ZNF385D: variants seen among roughly 807,000 people sequenced by gnomAD.
The protein encoded by ZNF385D is zinc finger protein 659.
ZNF385D carries 15 observed loss-of-function variants against 35.8 expected under a neutral mutation model. The ratio of observed to expected loss-of-function variants is 0.42; its 90% confidence interval spans 0.28 to 0.64. The LOEUF (loss-of-function observed/expected upper bound fraction) is 0.64. ZNF385D is among the 30% of genes least tolerant of loss of function. ZNF385D has a pLI of 0.23. For missense variants in ZNF385D, 474 were observed against 494.6 expected (o/e 0.96, Z 0.39); for synonymous variants, 212 against 186.8 (o/e 1.13, Z -1.10).
rs200962101 is a variant in ZNF385D at position 21,650,303 on chromosome 3, G to A, written c.165+14583C>T. 2.0e-5 allele frequency among the ~76,000 whole-genome samples: 3 copies of A among 152,032 alleles called. No individual in the cohort carries two copies. In the East Asian group the frequency reaches 5.8e-4, roughly 29 times the overall value. ...AATTTCAGGAACCAAAATTCAATTT[G>A]GAATATTTCTCTTTGCTCCTGTAGT... is the stretch of plus-strand genomic sequence containing the variant. On this transcript the variant is annotated intron_variant, in intron 2 of 7. Transcript: ENST00000281523.
intron 3 of ZNF385D, among the ~76,000 whole-genome samples, chr3:21,562,827 GA>G (rs1159578571): frequency 3.1e-5 from 1 of 32,302 alleles, no homozygotes; most frequent in Non-Finnish European, 7.0e-5. Flanking sequence ...GTATTAAGAG[GA>G]CTCTTTTTTA....
At chr3:22,119,995 C>CT (rs11345782) in intron 3 of ZNF385D, among the ~76,000 whole-genome samples, 2,637 of 136,258 alleles carry the variant, frequency 0.019, 57 homozygotes, top group African/African-American at 0.063. Context: ...TTTCTTTTTT[C>CT]TTTTTTTTTT....
rs140691267 is a variant in ZNF385D at position 22,246,846 on chromosome 3, T to C, written c.107-77811A>G. Among the ~76,000 whole-genome samples, 7 of 152,314 alleles carry C rather than the reference T, an allele frequency of 4.6e-5. No individual in the cohort carries two copies. The East Asian group carries it at 1.4e-3, about 29-fold the overall frequency. On this transcript the variant is annotated intron_variant, in intron 2 of 5. Transcript: ENST00000494108. The stretch of plus-strand genomic sequence containing the variant: ...AACGGCTCTCCTTCCCTAGAAATTC[T>C]GATTCTAATTACCAAGTTTAATTCT...
intron 3 of ZNF385D, among the ~76,000 whole-genome samples, chr3:21,528,471 A>T (rs233152): frequency 0.76 from 114,934 of 151,904 alleles, 43,672 homozygotes; most frequent in East Asian, 0.89. Context: ...CTAAGTGTAG[A>T]TTTCCTGGCT....
At chr3:22,145,587 G>C (rs1478014232) in intron 3 of ZNF385D, among the ~76,000 whole-genome samples, 1 of 152,302 alleles carries the variant, frequency 6.6e-6, no homozygotes, top group African/African-American at 2.4e-5. Flanking sequence ...CTAAAGGAAT[G>C]AATGACTCTA....
At chr3:21,676,773 T>C (rs2066742717) in intron 1 of ZNF385D, among the ~76,000 whole-genome samples, 1 of 143,294 alleles carries the variant, frequency 7.0e-6, no homozygotes, top group Non-Finnish European at 1.5e-5. Context: ...CAGATAGGGA[T>C]GATTTCAAAG....
chr3:22,076,788 T>G (rs1021653864), intron 3 of ZNF385D, among the ~76,000 whole-genome samples: 17 of 149,228 alleles, frequency 1.1e-4, no homozygotes, highest in African/African-American at 3.9e-4. Context: ...TATAGTGACT[T>G]ATTCTTGGAC....
intron 3 of ZNF385D, among the ~76,000 whole-genome samples, chr3:21,840,515 G>A (rs909218244): frequency 6.6e-6 from 1 of 151,948 alleles, no homozygotes; most frequent in African/African-American, 2.4e-5. Flanking sequence ...ATAACGGTAT[G>A]CCCAATACTA....
intron 3 of ZNF385D, among the ~76,000 whole-genome samples, chr3:21,795,242 T>G (rs2072097518): frequency 1.3e-5 from 2 of 152,226 alleles, no homozygotes; most frequent in Admixed American, 6.5e-5. Context: ...CATGTAATTA[T>G]GTACACAGTT....
chr3:22,092,594 G>C (rs943819138), intron 3 of ZNF385D, among the ~76,000 whole-genome samples: 1 of 152,242 alleles, frequency 6.6e-6, no homozygotes, highest in Admixed American at 6.5e-5. Flanking sequence ...GTGGAAGCTG[G>C]TTCCAGACCC....
intron 2 of ZNF385D, among the ~76,000 whole-genome samples, chr3:22,333,422 C>T (rs1193160178): frequency 1.3e-5 from 2 of 152,054 alleles, no homozygotes; most frequent in Admixed American, 6.6e-5. Flanking sequence ...ATTGACTTTT[C>T]GGTATGGTCC....
intron 3 of ZNF385D, chr3:21,978,344 C>T (rs1182019018): frequency 6.6e-6 from 1 of 152,146 alleles, no homozygotes; most frequent in Non-Finnish European, 1.5e-5. Flanking sequence ...TGATCTAAAC[C>T]TAGGATTTAA....
At chr3:22,047,761 C>A (rs190598390) in intron 3 of ZNF385D, among the ~76,000 whole-genome samples, 158 of 152,000 alleles carry the variant, frequency 1.0e-3, no homozygotes, top group African/African-American at 3.3e-3. Context: ...AGATGTATAC[C>A]CAGAAGTGGG....
chr3:21,626,564 G>A (rs183859158), intron 2 of ZNF385D, among the ~76,000 whole-genome samples: 4 of 152,158 alleles, frequency 2.6e-5, no homozygotes, highest in Admixed American at 6.6e-5. Flanking sequence ...AGGATAAAGC[G>A]TTGAGGAGCT....
chr3:22,093,171 A>AGTTGTTAATT (rs894292559), intron 3 of ZNF385D, among the ~76,000 whole-genome samples: 2 of 152,112 alleles, frequency 1.3e-5, no homozygotes, highest in African/African-American at 4.8e-5. Flanking sequence ...AGGAAAAAAA[A>AGTTGTTAATT]AGTTGTTAAT....
intron 2 of ZNF385D, among the ~76,000 whole-genome samples, chr3:21,656,557 TA>T (rs962015152): frequency 3.4e-4 from 51 of 152,098 alleles, no homozygotes; most frequent in African/African-American, 1.2e-3. Flanking sequence ...TCATCTGAAC[TA>T]ATTACATCTT....
At chr3:22,242,407 A>T (rs1005710233) in intron 2 of ZNF385D, among the ~76,000 whole-genome samples, 9 of 150,980 alleles carry the variant, frequency 6.0e-5, no homozygotes, top group Admixed American at 4.0e-4. Context: ...CAAACGATCA[A>T]GGTTAACATC....
intron 3 of ZNF385D, among the ~76,000 whole-genome samples, chr3:22,120,276 G>A (rs1703023094): frequency 6.6e-6 from 1 of 151,976 alleles, no homozygotes; most frequent in African/African-American, 2.4e-5. Context: ...AACTTCAGGT[G>A]TTGGAAGTTT....
intron 3 of ZNF385D, among the ~76,000 whole-genome samples, chr3:22,141,784 G>A (rs1458444289): frequency 3.3e-5 from 5 of 152,136 alleles, no homozygotes; most frequent in Admixed American, 6.5e-5. Flanking sequence ...TAATGAAGTC[G>A]TTATTCAGTT....
Sources: gnomAD v4.1 joint callset for allele counts (sites outside exome capture counted in the v4.1 genomes callset) on GRCh38, gnomAD v4.1.1 for gene constraint, MANE v1.5 for transcripts, NCBI Gene and HGNC (gene_info 2026-07-23, HGNC 2026-07-21) for gene names.